XKR4: variants seen among roughly 807,000 people sequenced by gnomAD.
The protein encoded by XKR4 is XK-related protein 4.
Under a neutral mutation model 53.9 loss-of-function variants are expected in XKR4, and 12 were observed. That is an observed-to-expected ratio of 0.22 (90% CI 0.14 to 0.36). The LOEUF is 0.36. XKR4 is among the 10% of genes least tolerant of loss of function. The pLI, the probability that XKR4 is intolerant of heterozygous loss-of-function variation, is 1.00. For missense variants in XKR4, 799 were observed against 859.5 expected, an observed-to-expected ratio of 0.93 and a Z score of 0.88; for synonymous variants, 354 against 362.4, an observed-to-expected ratio of 0.98 and a Z score of 0.26.
intron 1 of XKR4, among the ~76,000 whole-genome samples, chr8:55,218,461 T>C (rs1358287047): frequency 6.6e-6 from 1 of 152,216 alleles, no homozygotes; most frequent in Non-Finnish European, 1.5e-5. Flanking sequence ...CTGTCTAATA[T>C]ACATTTGTCC....
At chr8:55,143,298 T>TA (rs1257908654) in intron 1 of XKR4, among the ~76,000 whole-genome samples, 4 of 152,232 alleles carry the variant, frequency 2.6e-5, no homozygotes, top group Admixed American at 2.6e-4. Context: ...TGCTGGGTCC[T>TA]AAAGTGTGTA....
chr8:55,230,187 T>A (rs1031131799), intron 1 of XKR4, among the ~76,000 whole-genome samples: 2 of 152,228 alleles, frequency 1.3e-5, no homozygotes, highest in East Asian at 3.8e-4. Context: ...TGACTCGTTA[T>A]GGCTTAAGGC....
intron 2 of XKR4, among the ~76,000 whole-genome samples, chr8:55,500,791 C>T (rs1806424539): frequency 6.6e-6 from 1 of 152,184 alleles, no homozygotes; most frequent in South Asian, 2.1e-4. Context: ...ATGTTGCTAT[C>T]CCTATTCCAC....
At chr8:55,144,220 A>G (rs1275861370) in intron 1 of XKR4, among the ~76,000 whole-genome samples, 1 of 152,224 alleles carries the variant, frequency 6.6e-6, no homozygotes, top group Non-Finnish European at 1.5e-5. Context: ...GGACCTGGTA[A>G]TGCAAATGTG....
intron 1 of XKR4, among the ~76,000 whole-genome samples, chr8:55,280,571 T>A (rs997651550): frequency 1.3e-5 from 2 of 152,182 alleles, no homozygotes; most frequent in Non-Finnish European, 2.9e-5. Flanking sequence ...AAGCCTACAG[T>A]TTGCTTGACT....
chr8:55,463,630 C>A lies in XKR4; in HGVS notation c.1007-59651C>A, dbSNP rs188454359. Among the ~76,000 whole-genome samples the A allele has an allele frequency of 5.9e-3, 896 of 151,948 alleles. 10 individuals are homozygous for A. Among genetic ancestry groups the A allele is most frequent in the African/African-American group, 0.02 (835 of 41,310 alleles). On this transcript the variant is annotated intron_variant, in intron 2 of 2. Coordinates refer to ENST00000327381, the MANE Select transcript of XKR4 (RefSeq NM_052898.2). ...AGGCAAGAAATAACTAATATCAGAG[C>A]AGAACTGAAGGAAATAGAGAAATAA...
Position 55,524,213 on chromosome 8 carries a change from G to A in XKR4, c.1939G>A (p.Glu647Lys). 1 of 1,613,024 alleles carries A rather than the reference G, an allele frequency of 6.2e-7. No homozygotes were observed. The highest frequency in any genetic ancestry group is 8.5e-7 in the Non-Finnish European group (1 of 1,179,278). ...DALIQERLEYETTL is the reference protein window; with the variant it reads ...DALIQERLEYKTTL The stretch of plus-strand genomic sequence containing the variant: ...CCTTATTCAGGAGCGGTTGGAGTAC[G>A]AAACCACTTTATAAAGCAAAAGGAG... Residue 647 changes from glutamate (E) to lysine (K), a missense_variant, in exon 3 of 3, where the codon GAA becomes AAA. Transcript: ENST00000327381.
At chr8:55,133,215 C>T (rs1226719411) in intron 1 of XKR4, among the ~76,000 whole-genome samples, 3 of 152,154 alleles carry the variant, frequency 2.0e-5, no homozygotes, top group Admixed American at 2.0e-4. Flanking sequence ...GTGGAATACA[C>T]AAGAAATTTT....
At chr8:55,236,949 C>A (rs1258031999) in intron 1 of XKR4, among the ~76,000 whole-genome samples, 1 of 152,180 alleles carries the variant, frequency 6.6e-6, no homozygotes, top group Admixed American at 6.5e-5. Context: ...GTCTTCAAAA[C>A]CTTCTGGCAA....
intron 2 of XKR4, among the ~76,000 whole-genome samples, chr8:55,491,625 G>GGTTTGTTT (rs112852043): frequency 0.094 from 14,041 of 149,808 alleles, 882 homozygotes; most frequent in East Asian, 0.2. Flanking sequence ...TGTCTTTGGG[G>GGTTTGTTT]GTTTGTTTGT....
intron 2 of XKR4, chr8:55,449,910 T>G (rs1056381158): frequency 2.1e-4 from 183 of 871,904 alleles, no homozygotes; most frequent in South Asian, 3.3e-4. Flanking sequence ...GGGAGCCAGA[T>G]GCGGTCGAGC....
chr8:55,487,394 A>T (rs1007452772), intron 2 of XKR4, among the ~76,000 whole-genome samples: 3 of 151,938 alleles, frequency 2.0e-5, no homozygotes, highest in African/African-American at 4.8e-5. Flanking sequence ...AGACTCACAC[A>T]CTAATTGCCT....
intron 1 of XKR4, among the ~76,000 whole-genome samples, chr8:55,203,570 C>T (rs1265238341): frequency 6.6e-6 from 1 of 152,174 alleles, no homozygotes; most frequent in Non-Finnish European, 1.5e-5. Flanking sequence ...GTCCTTCTTA[C>T]TGGGGAGGTT....
rs553412991 is a variant in XKR4 at position 55,183,592 on chromosome 8, G to A, written c.806+80298G>A. ...TTAGAGTTTAATCCCATTATGACCTGAGAACATGCTTTGTATGATTTCTAT... is the reference window on the plus strand; with the variant it reads ...TTAGAGTTTAATCCCATTATGACCTAAGAACATGCTTTGTATGATTTCTAT... On this transcript the variant is annotated intron_variant, in intron 1 of 2. Coordinates refer to ENST00000327381, the MANE Select transcript of XKR4 (RefSeq NM_052898.2). Among the ~76,000 whole-genome samples, 9 of 152,190 alleles carry A rather than the reference G, an allele frequency of 5.9e-5. 1 individual carries two copies. Among genetic ancestry groups the A allele is most frequent in the African/African-American group, 2.2e-4 (9 of 41,536 alleles).
chr8:55,297,208 G>C (rs1385057481), intron 1 of XKR4, among the ~76,000 whole-genome samples: 1 of 152,090 alleles, frequency 6.6e-6, no homozygotes. Context: ...TGATACCCAA[G>C]AGCTTGGGGA....
intron 2 of XKR4, among the ~76,000 whole-genome samples, chr8:55,430,768 C>G (rs758130235): frequency 6.6e-6 from 1 of 152,152 alleles, no homozygotes; most frequent in African/African-American, 2.4e-5. Flanking sequence ...TCTGAGGCCT[C>G]TCTCCTTGGC....
At chr8:55,505,437 G>T (rs950908112) in intron 2 of XKR4, among the ~76,000 whole-genome samples, 1 of 152,174 alleles carries the variant, frequency 6.6e-6, no homozygotes, top group Non-Finnish European at 1.5e-5. Context: ...CATAGTCCCA[G>T]CTACCTGAGA....
At chr8:55,258,530 T>C (rs1818471273) in intron 1 of XKR4, among the ~76,000 whole-genome samples, 1 of 152,122 alleles carries the variant, frequency 6.6e-6, no homozygotes, top group African/African-American at 2.4e-5. Flanking sequence ...ATGAGAAACC[T>C]AAAGCGGGAA....
At chr8:55,237,273 T>G (rs10958451) in intron 1 of XKR4, among the ~76,000 whole-genome samples, 35,969 of 152,164 alleles carry the variant, frequency 0.24, 4,704 homozygotes, top group East Asian at 0.48. Flanking sequence ...AAAATTCACA[T>G]GTATCATTTG....
Sources: allele counts gnomAD v4.1 joint callset (sites outside exome capture counted in the v4.1 genomes callset), GRCh38; gene constraint gnomAD v4.1.1; transcripts MANE v1.5; gene names NCBI Gene and HGNC (gene_info 2026-07-23, HGNC 2026-07-21).